KSR2: variants seen among roughly 807,000 people sequenced by gnomAD.
KSR2 encodes kinase suppressor of ras 2.
KSR2 carries 25 observed loss-of-function variants against 107.8 expected under a neutral mutation model. The observed-to-expected ratio is 0.23, with a 90% CI of 0.17 to 0.32. KSR2 has a LOEUF of 0.32. Ranked by LOEUF, KSR2 falls within the 10% of genes least tolerant of loss-of-function variation. The pLI is 1.00. For missense variants in KSR2, 887 were observed against 1,268.9 expected (o/e 0.70, Z 4.57); for synonymous variants, 480 against 507.0 (o/e 0.95, Z 0.71).
chr12:117,473,637 T>C (rs1375869078), intron 17 of KSR2, among the ~76,000 whole-genome samples: 1 of 152,124 alleles, frequency 6.6e-6, no homozygotes, highest in Non-Finnish European at 1.5e-5. Context: ...CGGGGAAGGG[T>C]GTTTTGAGTT....
At chr12:117,866,043 T>TTATTTA (rs1893459034) in intron 1 of KSR2, among the ~76,000 whole-genome samples, 3 of 151,114 alleles carry the variant, frequency 2.0e-5, no homozygotes, top group Non-Finnish European at 2.9e-5. Flanking sequence ...TCTCTCTTTT[T>TTATTTA]TTTTTTTTTT....
intron 3 of KSR2, among the ~76,000 whole-genome samples, chr12:117,768,446 C>T (rs889968412): frequency 1.2e-4 from 18 of 152,198 alleles, no homozygotes; most frequent in African/African-American, 4.3e-4. Context: ...ATACCTGCCA[C>T]TCCTGTCCAT....
chr12:117,927,388 CA>C (rs55995726), intron 1 of KSR2, among the ~76,000 whole-genome samples: 45,723 of 137,636 alleles, frequency 0.33, 7,225 homozygotes, highest in East Asian at 0.43. Flanking sequence ...AAAATAACAA[CA>C]AAAAAAAAAG....
chr12:117,606,852 C>T (rs142424526), intron 5 of KSR2, among the ~76,000 whole-genome samples: 300 of 151,622 alleles, frequency 2.0e-3, no homozygotes, highest in African/African-American at 6.8e-3. Flanking sequence ...ATGAAGAAAA[C>T]GATGACGGCT....
intron 3 of KSR2, among the ~76,000 whole-genome samples, chr12:117,767,515 A>G (rs1430683294): frequency 6.6e-6 from 1 of 151,960 alleles, no homozygotes; most frequent in African/African-American, 2.4e-5. Flanking sequence ...AGTCTAGTTA[A>G]AGAGGCTGGG....
At chr12:117,624,800 G>T (rs1882382663) in intron 5 of KSR2, among the ~76,000 whole-genome samples, 1 of 152,012 alleles carries the variant, frequency 6.6e-6, no homozygotes. Flanking sequence ...TGGGCAGCAT[G>T]GCCATTTTCA....
At chr12:117,917,338 C>T (rs886417575) in intron 1 of KSR2, among the ~76,000 whole-genome samples, 4 of 152,062 alleles carry the variant, frequency 2.6e-5, no homozygotes, top group South Asian at 2.1e-4. Context: ...GGCAAGAGTT[C>T]GAGACCAGCC....
chr12:117,584,804 C>T (rs1879892186), intron 5 of KSR2, among the ~76,000 whole-genome samples: 1 of 152,206 alleles, frequency 6.6e-6, no homozygotes, highest in Non-Finnish European at 1.5e-5. Context: ...TACCTGGAAG[C>T]TATCCCTCTG....
Position 117,555,727 on chromosome 12 carries a change from C to T in KSR2, c.1394-434G>A, listed in dbSNP as rs375220204. 2.7e-3 allele frequency among the ~76,000 whole-genome samples: 416 copies of T among 152,288 alleles called. 2 individuals carry two copies. The highest frequency in any genetic ancestry group is 4.4e-3 in the Non-Finnish European group (300 of 68,030). Reference sequence around the variant, plus strand: ...GATTTCTCAGGCCTAAGCAGCCTGCCGCACATTGAAACACTTTGTCCTAAA... The same window carrying T: ...GATTTCTCAGGCCTAAGCAGCCTGCTGCACATTGAAACACTTTGTCCTAAA... On this transcript the variant is annotated intron_variant, in intron 8 of 19. Coordinates refer to ENST00000339824, the MANE Select transcript of KSR2 (RefSeq NM_173598.6).
intron 4 of KSR2, among the ~76,000 whole-genome samples, chr12:117,686,669 C>T (rs1379459855): frequency 2.6e-5 from 4 of 152,150 alleles, no homozygotes; most frequent in Admixed American, 1.3e-4. Context: ...TCATTGTCTA[C>T]TCAGGTGGTA....
intron 5 of KSR2, among the ~76,000 whole-genome samples, chr12:117,620,446 T>C (rs1426100805): frequency 2.0e-5 from 3 of 152,198 alleles, no homozygotes; most frequent in South Asian, 2.1e-4. Flanking sequence ...CTGCCATTAG[T>C]TGATGTTTGC....
At chr12:117,641,006 T>C (rs1883331272) in intron 5 of KSR2, among the ~76,000 whole-genome samples, 1 of 152,236 alleles carries the variant, frequency 6.6e-6, no homozygotes, top group Non-Finnish European at 1.5e-5. Context: ...GTTAGTCTCC[T>C]AGGCTGCTGT....
intron 14 of KSR2, among the ~76,000 whole-genome samples, chr12:117,510,777 C>T (rs1262488433): frequency 1.3e-5 from 2 of 151,028 alleles, no homozygotes; most frequent in East Asian, 3.9e-4. Context: ...ACTCGGGAGG[C>T]TGAGACTGGA....
At chr12:117,908,535 T>C (rs1894922151) in intron 1 of KSR2, among the ~76,000 whole-genome samples, 1 of 152,158 alleles carries the variant, frequency 6.6e-6, no homozygotes, top group Non-Finnish European at 1.5e-5. Flanking sequence ...GTGACACAAA[T>C]ATGCAAAGTT....
At chr12:117,736,882 A>G (rs906930751) in intron 4 of KSR2, among the ~76,000 whole-genome samples, 3 of 152,184 alleles carry the variant, frequency 2.0e-5, no homozygotes, top group African/African-American at 7.2e-5. Context: ...GGGAAATTGC[A>G]ATTGCGATGA....
intron 1 of KSR2, among the ~76,000 whole-genome samples, chr12:117,922,161 G>A (rs61945388): frequency 1.1e-4 from 16 of 152,138 alleles, no homozygotes; most frequent in Admixed American, 2.0e-4. Context: ...ACCCAGAAGC[G>A]TTCCCACCTA....
intron 5 of KSR2, among the ~76,000 whole-genome samples, chr12:117,661,242 T>C (rs898364609): frequency 6.6e-6 from 1 of 150,938 alleles, no homozygotes; most frequent in African/African-American, 2.4e-5. Flanking sequence ...ACACAATATG[T>C]GACCTCAGAT....
chr12:117,834,608 T>C (rs1438702215), intron 3 of KSR2, among the ~76,000 whole-genome samples: 1 of 152,188 alleles, frequency 6.6e-6, no homozygotes, highest in Non-Finnish European at 1.5e-5. Context: ...GAGGGGTTTA[T>C]TCTCCTAGAA....
rs541941708 is a variant in KSR2 at position 117,768,813 on chromosome 12, CTCTG to C, written c.473-7293_473-7290del. Among the ~76,000 whole-genome samples the C allele has an allele frequency of 1.1e-3, 174 of 152,358 alleles. 1 individual carries two copies. Among genetic ancestry groups the C allele is most frequent in the African/African-American group, 3.9e-3 (164 of 41,592 alleles). ...AATCCAACAAAGTGGGTGGAATTTA[CTCTG>C]TCTTACAGATGAGGAAACTGAGGCA... On this transcript the variant is annotated intron_variant, in intron 3 of 19. Coordinates refer to ENST00000339824, the MANE Select transcript of KSR2 (RefSeq NM_173598.6).
Sources: gnomAD v4.1 joint callset for allele counts (sites outside exome capture counted in the v4.1 genomes callset) on GRCh38, gnomAD v4.1.1 for gene constraint, MANE v1.5 for transcripts, NCBI Gene and HGNC (gene_info 2026-07-23, HGNC 2026-07-21) for gene names.